The following CBR4 variants were observed in gnomAD, a reference collection of about 807,000 sequenced individuals.
The protein encoded by CBR4 is 3-oxoacyl-[acyl-carrier-protein] reductase.
In CBR4, 22 loss-of-function variants were observed where a neutral mutation model predicts 21.0. That is an observed-to-expected ratio of 1.05 (90% CI 0.75 to 1.50). CBR4 has a LOEUF of 1.50. Ranked by LOEUF, CBR4 falls within the 40% of genes most tolerant of loss-of-function variation. The pLI is 0.00. For synonymous variants in CBR4, 100 were observed against 104.4 expected (o/e 0.96, Z 0.26); for missense variants, 302 against 286.3 (o/e 1.05, Z -0.40).
At chr4:168,900,034 T>TGAAGGC (rs772952824) in intron 2 of CBR4, among the ~76,000 whole-genome samples, 3 of 151,996 alleles carry the variant, frequency 2.0e-5, no homozygotes, top group Non-Finnish European at 4.4e-5. Flanking sequence ...ACAATCATGG[T>TGAAGGC]GAAGGCGAAG....
chr4:168,973,162 A>C (rs1764262691), intron 2 of CBR4, among the ~76,000 whole-genome samples: 1 of 152,048 alleles, frequency 6.6e-6, no homozygotes, highest in African/African-American at 2.4e-5. Flanking sequence ...TATATTGTTG[A>C]ATTCAGTTAG....
intron 4 of CBR4, among the ~76,000 whole-genome samples, chr4:168,990,563 A>G (rs1764868457): frequency 6.6e-6 from 1 of 151,810 alleles, no homozygotes; most frequent in Admixed American, 6.6e-5. Context: ...CAGCCTCCCA[A>G]GTAGCTGGGA....
At chr4:168,954,398 C>CA (rs1763627474) in intron 2 of CBR4, among the ~76,000 whole-genome samples, 1 of 152,096 alleles carries the variant, frequency 6.6e-6, no homozygotes, top group South Asian at 2.1e-4. Flanking sequence ...AAGGCTGAGA[C>CA]ATAGTACCAG....
intron 2 of CBR4, among the ~76,000 whole-genome samples, chr4:168,974,355 T>C (rs1391028603): frequency 2.6e-5 from 4 of 152,332 alleles, no homozygotes; most frequent in East Asian, 1.9e-4. Flanking sequence ...TTACTTCATC[T>C]TGACTTTTGA....
At chr4:168,973,885 C>G (rs796965712) in intron 2 of CBR4, among the ~76,000 whole-genome samples, 5 of 152,256 alleles carry the variant, frequency 3.3e-5, no homozygotes, top group African/African-American at 1.2e-4. Flanking sequence ...CATTCTGTAT[C>G]TTTTAAGTGG....
rs1338925428 is a variant in CBR4, at chr4:169,000,391, AG to A, written c.535+1679del. Among the ~76,000 whole-genome samples, 143 of 149,682 alleles carry A rather than the reference AG, an allele frequency of 9.6e-4. 1 individual carries two copies. The highest frequency in any genetic ancestry group is 3.5e-3 in the African/African-American group (138 of 39,554). ...CTAGTTGCTATGAGAAAAAAAAAAA[AG>A]AAAAGAAAAGAATTGAAATAAAGAC... On this transcript the variant is annotated intron_variant, in intron 4 of 4. Coordinates refer to ENST00000306193, the MANE Select transcript of CBR4 (RefSeq NM_032783.5).
intron 2 of CBR4, among the ~76,000 whole-genome samples, chr4:168,950,739 T>C (rs1763517471): frequency 6.6e-6 from 1 of 152,186 alleles, no homozygotes. Flanking sequence ...ATTAGGTCTG[T>C]TAGTAATTGT....
chr4:168,919,536 A>C (rs575513494), intron 2 of CBR4, among the ~76,000 whole-genome samples: 1 of 152,094 alleles, frequency 6.6e-6, no homozygotes, highest in East Asian at 1.9e-4. Flanking sequence ...AAAAAAAAAA[A>C]AGTGAAAAAC....
intron 2 of CBR4, among the ~76,000 whole-genome samples, chr4:168,955,707 T>C (rs950652476): frequency 3.3e-5 from 5 of 152,106 alleles, no homozygotes; most frequent in Admixed American, 1.3e-4. Context: ...GGATCAAAGA[T>C]TAAAGGCTGG....
chr4:168,899,982 T>C (rs1409343053), intron 2 of CBR4, among the ~76,000 whole-genome samples: 1 of 151,120 alleles, frequency 6.6e-6, no homozygotes, highest in African/African-American at 2.4e-5. Flanking sequence ...TATACAGAAG[T>C]GTAGTACCAG....
intron 2 of CBR4, among the ~76,000 whole-genome samples, chr4:168,949,322 T>C (rs1042505654): frequency 6.6e-6 from 1 of 152,194 alleles, no homozygotes; most frequent in African/African-American, 2.4e-5. Flanking sequence ...CAGTGACAGT[T>C]TGACTTCTTC....
intron 2 of CBR4, among the ~76,000 whole-genome samples, chr4:168,937,636 C>CAAA (rs139482274): frequency 0.011 from 1,487 of 138,758 alleles, 38 homozygotes; most frequent in African/African-American, 0.039. Context: ...ATAAAAAAAG[C>CAAA]AAAAAAAAAA....
chr4:168,898,517 C>G lies in CBR4; in HGVS notation n.170-3752G>C, dbSNP rs1050591975. 3.7e-6 allele frequency: 6 copies of G among 1,612,654 alleles called. No individual in the cohort carries two copies. Among genetic ancestry groups the G allele is most frequent in the Non-Finnish European group, 5.1e-6 (6 of 1,178,680 alleles). ...GGAATACAAAGTCTCCAGCTGTGAA[C>G]AGAGACTCATCAGTGAAATAGAGTA... is the stretch of plus-strand genomic sequence containing the variant. On this transcript the variant is annotated intron_variant and non_coding_transcript_variant, in intron 2 of 3. Coordinates refer to the CBR4 transcript ENST00000509108.
intron 2 of CBR4, among the ~76,000 whole-genome samples, chr4:168,900,654 A>G (rs1472354466): frequency 6.6e-6 from 1 of 152,208 alleles, no homozygotes; most frequent in Non-Finnish European, 1.5e-5. Context: ...GCAACGCCAA[A>G]GTCAAAGATC....
At position 168,988,566 on chromosome 4, in the gene CBR4, C is replaced by T. The variant is rs1764774937; in HGVS notation, c.*1584G>A. On this transcript the variant is annotated 3_prime_UTR_variant, in exon 5 of 5. Coordinates refer to ENST00000306193, the MANE Select transcript of CBR4 (RefSeq NM_032783.5). ...ACTATGTCTGAATAAGCTCCCCTAC[C>T]TTACAAGCATCAACTACTACATTGA... The T allele has an allele frequency of 2.0e-6, 2 of 985,284 alleles. No homozygotes were observed. Among genetic ancestry groups the T allele is most frequent in the East Asian group, 1.1e-4 (1 of 8,830 alleles). The allele number at this position is 985,284 out of a possible 1,614,324, so 61.0% of individuals were successfully genotyped here. A position where few individuals can be genotyped will look rare whatever the true frequency, so the allele number is the denominator to read the frequency against.
intron 3 of CBR4, among the ~76,000 whole-genome samples, chr4:169,004,273 A>AT (rs920778514): frequency 3.9e-5 from 6 of 151,952 alleles, no homozygotes; most frequent in Admixed American, 6.6e-5. Context: ...AAGTATTTAC[A>AT]TTTTTTTTAG....
rs550321933 is a variant in CBR4 at position 168,928,048 on chromosome 4, G to A, written n.170-33283C>T. The A allele has an allele frequency of 4.1e-5, 8 of 195,590 alleles. No individual in the cohort carries two copies. The South Asian group carries it at 1.5e-3, about 38-fold the overall frequency. The allele number at this position is 195,590 out of a possible 1,614,324, so 12.1% of individuals were successfully genotyped here. A position where few individuals can be genotyped will look rare whatever the true frequency, so the allele number is the denominator to read the frequency against. ...CACATGTACAGCTTTCTACTTCTTT[G>A]TAAGAACACCAACCAACCAAGGTTT... On this transcript the variant is annotated intron_variant and non_coding_transcript_variant, in intron 2 of 3. Coordinates refer to the CBR4 transcript ENST00000509108.
At chr4:168,942,700 G>T (rs1410609639) in intron 2 of CBR4, among the ~76,000 whole-genome samples, 1 of 152,096 alleles carries the variant, frequency 6.6e-6, no homozygotes, top group African/African-American at 2.4e-5. Context: ...CTACACAATG[G>T]AAGAAAATAT....
chr4:169,010,180 A>AAAAAAAAAG lies in CBR4; in HGVS notation c.-92_-91insCTTTTTTTT. The stretch of plus-strand genomic sequence containing the variant: ...CTTTTAAACAACCGCGGTTCCAAAA[A>AAAAAAAAAG]AAAAAAAAAGAAAAAAAAAGGCAAA... On this transcript the variant is annotated 5_prime_UTR_variant, in exon 1 of 5. Coordinates refer to ENST00000306193, the MANE Select transcript of CBR4 (RefSeq NM_032783.5). The AAAAAAAAAG allele has an allele frequency of 3.4e-6, 4 of 1,183,618 alleles. No homozygotes were observed. Among genetic ancestry groups the AAAAAAAAAG allele is most frequent in the Non-Finnish European group, 4.6e-6 (4 of 875,762 alleles). 73.3% of individuals were successfully genotyped at this position (1,183,618 alleles called of 1,614,324 possible).
Sources: allele counts gnomAD v4.1 joint callset (sites outside exome capture counted in the v4.1 genomes callset), GRCh38; gene constraint gnomAD v4.1.1; transcripts MANE v1.5; gene names NCBI Gene and HGNC (gene_info 2026-07-23, HGNC 2026-07-21).